CORT: variants seen among roughly 807,000 people sequenced by gnomAD.
CORT encodes cortistatin-14.
Under a neutral mutation model 4.4 loss-of-function variants are expected in CORT, and 2 were observed. The ratio of observed to expected loss-of-function variants is 0.46; its 90% CI spans 0.19 to 1.44. The LOEUF (loss-of-function observed/expected upper bound fraction) is 1.44. CORT is among the 40% of genes most tolerant of loss of function. The probability of loss-of-function intolerance (pLI) is 0.26; values close to 1 mark genes in which losing one functional copy is unlikely to be tolerated. For synonymous variants in CORT, 72 were observed against 62.0 expected, an observed-to-expected ratio of 1.16 and a Z score of -0.75; for missense variants, 158 against 140.2, an observed-to-expected ratio of 1.13 and a Z score of -0.64.
rs1276925206 is a variant in CORT, at chr1:10,451,462, C to T, written c.185C>T (p.Ala62Val). 3 of 1,614,096 alleles carry T rather than the reference C, an allele frequency of 1.9e-6. No homozygotes were observed. Among genetic ancestry groups the T allele is most frequent in the African/African-American group, 1.3e-5 (1 of 75,054 alleles). Residue 62 changes from alanine to valine, a missense_variant, in exon 2 of 2, where the codon GCC (alanine) becomes GTC (valine). Coordinates refer to ENST00000377049, the MANE Select transcript of CORT (RefSeq NM_001302.5). ...TTTGAGTGGACCTCCCAGGCCAGTGCCGGGCCCCTCATAGGAGAGGAAGCC... is the reference window on the plus strand; with the variant it reads ...TTTGAGTGGACCTCCCAGGCCAGTGTCGGGCCCCTCATAGGAGAGGAAGCC... Reference protein sequence around the residue: ...WWFEWTSQASAGPLIGEEARE... With the variant: ...WWFEWTSQASVGPLIGEEARE...
rs1292872368 is a variant in CORT, at chr1:10,451,902, A to ATT, written c.*308_*309dup. 2 of 230,156 alleles carry ATT rather than the reference A, an allele frequency of 8.7e-6. No homozygotes were observed. Among genetic ancestry groups the ATT allele is most frequent in the Admixed American group, 5.6e-5 (1 of 17,730 alleles). The allele number at this position is 230,156 out of a possible 1,614,324, so 14.3% of individuals were successfully genotyped here. A position where few individuals can be genotyped will look rare whatever the true frequency, so the allele number is the denominator to read the frequency against. ...AAATAAAATAGCTAAAGGCTACACA[A>ATT]TTAAGAGTTCAGAATAACATCTTAT... On this transcript the variant is annotated 3_prime_UTR_variant, in exon 2 of 2. Transcript: ENST00000377049.
In CORT at chr1:10,451,603, C is replaced by G. The variant is rs1406159363; in HGVS notation, c.*8C>G. ...TTCTCCTCCTGCAAATAAAACCTCA[C>G]CCATGAATGCTCACGCAAGTGTAAT... On this transcript the variant is annotated 3_prime_UTR_variant, in exon 2 of 2. Coordinates refer to ENST00000377049, the MANE Select transcript of CORT (RefSeq NM_001302.5). The G allele has an allele frequency of 6.2e-7, 1 of 1,608,576 alleles. No individual in the cohort carries two copies. Among genetic ancestry groups the G allele is most frequent in the South Asian group, 1.1e-5 (1 of 90,384 alleles).
At position 10,451,272 on chromosome 1, in the gene CORT, C is replaced by CT; in HGVS notation, c.100-105_100-104insT. The CT allele has an allele frequency of 3.2e-6, 4 of 1,263,038 alleles. No homozygotes were observed. The African/African-American group carries it at 5.3e-5, about 17-fold the overall frequency. The allele number at this position is 1,263,038 out of a possible 1,614,324, so 78.2% of individuals were successfully genotyped here. On this transcript the variant is annotated intron_variant, in intron 1 of 1. Coordinates refer to ENST00000377049, the MANE Select transcript of CORT (RefSeq NM_001302.5). ...TTTTCTCCAGGGTAGTCTTTTAGAT[C>CT]ATTTTTTTTTTTAAGTAAGGAGGAG... is the stretch of plus-strand genomic sequence containing the variant.
chr1:10,451,478 A>G lies in CORT; in HGVS notation c.201A>G (p.Gly67=), dbSNP rs893474399. Residue 67 remains glycine, a synonymous_variant, in exon 2 of 2, where the codon GGA becomes GGG. Coordinates refer to ENST00000377049, the MANE Select transcript of CORT (RefSeq NM_001302.5). ...AGGCCAGTGCCGGGCCCCTCATAGGAGAGGAAGCCCGGGAGGTGGCCAGGC... is the reference window on the plus strand; with the variant it reads ...AGGCCAGTGCCGGGCCCCTCATAGGGGAGGAAGCCCGGGAGGTGGCCAGGC... ...TSQASAGPLI[G]EEAREVARRQ... The G allele has an allele frequency of 8.7e-6, 14 of 1,613,994 alleles. No individual in the cohort carries two copies. Among genetic ancestry groups the G allele is most frequent in the Non-Finnish European group, 1.2e-5 (14 of 1,179,998 alleles).
In CORT at chr1:10,451,951, T is replaced by C. The variant is rs1273655566; in HGVS notation, c.*356T>C. The C allele has an allele frequency of 5.9e-6, 1 of 170,184 alleles. No homozygotes were observed. Among genetic ancestry groups the C allele is most frequent in the East Asian group, 1.6e-4 (1 of 6,180 alleles). The allele number at this position is 170,184 out of a possible 1,614,324, so 10.5% of individuals were successfully genotyped here. ...ATTTCAGTTTATGAATTGATATGAA[T>C]TGTCTAATTTAAAAAATATTTCCCT... On this transcript the variant is annotated 3_prime_UTR_variant, in exon 2 of 2. Transcript: ENST00000377049.
At chr1:10,451,250 T>C in intron 1 of CORT, 127 bp from the exon 2 acceptor site, 1 of 1,216,624 alleles carries the variant, frequency 8.2e-7, no homozygotes, top group Non-Finnish European at 1.1e-6. Context: ...CTTTCTCTTT[T>C]CTCCAGGGTA....
chr1:10,451,289 A>G, intron 1 of CORT, 88 bp from the exon 2 acceptor site: 3 of 1,401,026 alleles, frequency 2.1e-6, no homozygotes, highest in Non-Finnish European at 2.8e-6. Flanking sequence ...TTTTTTAAGT[A>G]AGGAGGAGAT....
rs565298894 is a variant in CORT, at chr1:10,450,244, C to T, written c.21C>T (p.Leu7=). ...ACAAGATGCCATTGTCCCCCGGCCT[C>T]CTGCTGCTGCTGCTCTCCGGGGCCA... MPLSPG[L]LLLLLSGATA... Residue 7 remains leucine (L), a synonymous_variant, in exon 1 of 2, where the codon CTC becomes CTT. Transcript: ENST00000377049. The T allele has an allele frequency of 2.8e-5, 44 of 1,581,404 alleles. No individual in the cohort carries two copies. The highest frequency in any genetic ancestry group is 3.6e-5 in the Non-Finnish European group (42 of 1,163,854).
chr1:10,450,158 AT>A lies in CORT; in HGVS notation c.-63del. 6.2e-7 allele frequency: 1 copy of A among 1,610,466 alleles called. No individual in the cohort carries two copies. The highest frequency in any genetic ancestry group is 1.1e-5 in the South Asian group (1 of 89,920). ...AGAGACCCAAGTCCCCAAAACATTGATTTCAGGGCTGCCAGGAAGGAAGAGC... is the reference window on the plus strand; with the variant it reads ...AGAGACCCAAGTCCCCAAAACATTGATTCAGGGCTGCCAGGAAGGAAGAGC... On this transcript the variant is annotated 5_prime_UTR_variant, in exon 1 of 2. Coordinates refer to ENST00000377049, the MANE Select transcript of CORT (RefSeq NM_001302.5).
intron 1 of CORT, among the ~76,000 whole-genome samples, chr1:10,450,894 A>G (rs1275809533): frequency 6.6e-6 from 1 of 152,240 alleles, no homozygotes; most frequent in South Asian, 2.1e-4. Context: ...AAGGAATTTG[A>G]AAAACCAGAA....
In CORT at chr1:10,450,042, A is replaced by G; in HGVS notation, c.-182A>G. On this transcript the variant is annotated 5_prime_UTR_variant, in exon 1 of 2. Transcript: ENST00000377049. Reference sequence around the variant, plus strand: ...GCTCCAGCTTCTGCGTCACTGCGCGAGGGAAGAGGGAAGAGGATCCAGGCG... The same window carrying G: ...GCTCCAGCTTCTGCGTCACTGCGCGGGGGAAGAGGGAAGAGGATCCAGGCG... 2.7e-6 allele frequency: 4 copies of G among 1,493,760 alleles called. No individual in the cohort carries two copies. The highest frequency in any genetic ancestry group is 3.6e-6 in the Non-Finnish European group (4 of 1,114,988). 92.5% of individuals were successfully genotyped at this position (1,493,760 alleles called of 1,614,324 possible).
chr1:10,451,662 G>T lies in CORT; in HGVS notation c.*67G>T. On this transcript the variant is annotated 3_prime_UTR_variant, in exon 2 of 2. Transcript: ENST00000377049. ...TGAATAAAATGTATTAAGCAGCAGT[G>T]ATCTTTCCTCTCCTCCTTCCCAAGT... is the stretch of plus-strand genomic sequence containing the variant. 6.7e-7 allele frequency: 1 copy of T among 1,491,370 alleles called. No individual in the cohort carries two copies. The highest frequency in any genetic ancestry group is 1.3e-5 in the South Asian group (1 of 74,104). The allele number at this position is 1,491,370 out of a possible 1,614,324, so 92.4% of individuals were successfully genotyped here. A position where few individuals can be genotyped will look rare whatever the true frequency, so the allele number is the denominator to read the frequency against.
In CORT at chr1:10,450,550, T is replaced by C. The variant is rs1412313938; in HGVS notation, c.99+228T>C. Among the ~76,000 whole-genome samples, 3 of 152,172 alleles carry C rather than the reference T, an allele frequency of 2.0e-5. No homozygotes were observed. The East Asian group carries it at 5.8e-4, about 29-fold the overall frequency. The stretch of plus-strand genomic sequence containing the variant: ...ACCCATGAAGCCTGCTGGAAACCTG[T>C]GCAGCTCAAGGAGGGCCCTCCGTCG... On this transcript the variant is annotated intron_variant, in intron 1 of 1. Transcript: ENST00000377049.
At position 10,451,192 on chromosome 1, in the gene CORT, T is replaced by C. The variant is rs1245668748; in HGVS notation, c.100-185T>C. Among the ~76,000 whole-genome samples, 3 of 152,248 alleles carry C rather than the reference T, an allele frequency of 2.0e-5. No homozygotes were observed. In the East Asian group the frequency reaches 5.8e-4, roughly 29 times the overall value. On this transcript the variant is annotated intron_variant, in intron 1 of 1. Coordinates refer to ENST00000377049, the MANE Select transcript of CORT (RefSeq NM_001302.5). The stretch of plus-strand genomic sequence containing the variant: ...CACTTTCTCATCCTCATCCGTTAAA[T>C]GGAAATGAGGCTTATCGCTATGGAG...
Position 10,451,554 on chromosome 1 carries a change from T to G in CORT, c.277T>G (p.Cys93Gly), listed in dbSNP as rs1412665299. Residue 93 changes from cysteine (C) to glycine (G), a missense_variant, in exon 2 of 2, where the codon TGC becomes GGC. Coordinates refer to ENST00000377049, the MANE Select transcript of CORT (RefSeq NM_001302.5). ...QQSARRDRMP[C>G]RNFFWKTFSS... ...ATCTGCGCGCCGGGACAGAATGCCCTGCAGGAACTTCTTCTGGAAGACCTT... is the reference window on the plus strand; with the variant it reads ...ATCTGCGCGCCGGGACAGAATGCCCGGCAGGAACTTCTTCTGGAAGACCTT... The G allele has an allele frequency of 6.2e-7, 1 of 1,613,644 alleles. No individual in the cohort carries two copies. The highest frequency in any genetic ancestry group is 8.5e-7 in the Non-Finnish European group (1 of 1,179,942).
At chr1:10,450,452 T>C in intron 1 of CORT, 130 bp downstream of exon 1, 1 of 1,050,990 alleles carries the variant, frequency 9.5e-7, no homozygotes, top group African/African-American at 1.6e-5. Flanking sequence ...CGGCTCAACT[T>C]TGTAGTGTTC....
chr1:10,451,583 C>G lies in CORT; in HGVS notation c.306C>G (p.Ser102=), dbSNP rs1281635557. ...GGAACTTCTTCTGGAAGACCTTCTC[C>G]TCCTGCAAATAAAACCTCACCCATG... ...PCRNFFWKTF[S]SCK is the part of the protein sequence containing the mutation. Residue 102 remains serine (S), a synonymous_variant, in exon 2 of 2, where the codon TCC becomes TCG. Transcript: ENST00000377049. 6.2e-7 allele frequency: 1 copy of G among 1,612,212 alleles called. No individual in the cohort carries two copies. Among genetic ancestry groups the G allele is most frequent in the Non-Finnish European group, 8.5e-7 (1 of 1,179,460 alleles).
intron 1 of CORT, among the ~76,000 whole-genome samples, chr1:10,450,994 C>T (rs1304149177): frequency 6.6e-6 from 1 of 152,154 alleles, no homozygotes; most frequent in Non-Finnish European, 1.5e-5. Flanking sequence ...GTAAATTAGC[C>T]TGATCCAACT....
intron 1 of CORT, 118 bp from the exon 2 acceptor site, chr1:10,451,259 T>C (rs1640776108): frequency 7.9e-7 from 1 of 1,263,674 alleles, no homozygotes; most frequent in Non-Finnish European, 1.0e-6. Flanking sequence ...TTCTCCAGGG[T>C]AGTCTTTTAG....
Sources: allele counts gnomAD v4.1 joint callset (sites outside exome capture counted in the v4.1 genomes callset), GRCh38; gene constraint gnomAD v4.1.1; transcripts MANE v1.5; gene names NCBI Gene and HGNC (gene_info 2026-07-23, HGNC 2026-07-21).